The following HMCN1 variants were observed in gnomAD, a reference collection of about 807,000 sequenced individuals.
HMCN1 encodes hemicentin-1.
Under a neutral mutation model 625.9 loss-of-function variants are expected in HMCN1, and 321 were observed. The ratio of observed to expected loss-of-function variants is 0.51; its 90% CI spans 0.47 to 0.56. HMCN1 has a LOEUF of 0.56. Among genes scored for constraint, HMCN1 ranks in the 20% least tolerant of loss-of-function variants. The pLI is 0.00. For missense variants in HMCN1, 6,588 were observed against 6,887.3 expected, an observed-to-expected ratio of 0.96 and a Z score of 1.54; for synonymous variants, 2,425 against 2,417.6, an observed-to-expected ratio of 1.00 and a Z score of -0.09.
intron 50 of HMCN1, among the ~76,000 whole-genome samples, chr1:186,068,325 T>C (rs1658256108): frequency 6.6e-6 from 1 of 152,214 alleles, no homozygotes. Flanking sequence ...TAGAAATTCA[T>C]TCCTGATTAA....
At chr1:185,880,370 A>T (rs1027782220) in intron 4 of HMCN1, among the ~76,000 whole-genome samples, 14 of 152,192 alleles carry the variant, frequency 9.2e-5, no homozygotes, top group African/African-American at 3.1e-4. Context: ...TTTAATGTAG[A>T]TGTGAATCAT....
At chr1:185,996,902 G>A (rs1438613297) in intron 24 of HMCN1, among the ~76,000 whole-genome samples, 1 of 152,116 alleles carries the variant, frequency 6.6e-6, no homozygotes, top group African/African-American at 2.4e-5. Context: ...GTAATGATTT[G>A]AATTAGATAA....
At chr1:186,003,689 A>C (rs1437250409) in intron 28 of HMCN1, 29 bp from the exon 29 acceptor site, 3 of 1,610,988 alleles carry the variant, frequency 1.9e-6, no homozygotes, top group Non-Finnish European at 2.5e-6. Flanking sequence ...TGAGTAACAG[A>C]GTTTCATAAT....
chr1:185,902,401 CTATCTCTATCTA>C (rs1196610062), intron 4 of HMCN1, among the ~76,000 whole-genome samples: 67 of 136,204 alleles, frequency 4.9e-4, no homozygotes, highest in African/African-American at 2.1e-3. Context: ...ATCTATCTAT[CTATCTCTATCTA>C]TCTATCTATC....
intron 1 of HMCN1, among the ~76,000 whole-genome samples, chr1:185,759,452 A>G (rs1205304619): frequency 6.6e-6 from 1 of 152,190 alleles, no homozygotes; most frequent in Non-Finnish European, 1.5e-5. Context: ...AGATTTAGGG[A>G]GATTTAATAG....
At position 186,033,064 on chromosome 1, in the gene HMCN1, GCACACACACACA is replaced by G. The variant is rs61063202; in HGVS notation, c.5750-4850_5750-4839del. Among the ~76,000 whole-genome samples, 5 of 140,398 alleles carry G rather than the reference GCACACACACACA, an allele frequency of 3.6e-5. No individual in the cohort carries two copies. The South Asian group carries it at 9.3e-4, about 26-fold the overall frequency. 92.1% of individuals were successfully genotyped at this position (140,398 alleles called of 152,430 possible). ...TAAAGAAAATGTGATATACACACAC[GCACACACACACA>G]CACACACACACACACACACCATGGA... On this transcript the variant is annotated intron_variant, in intron 36 of 106. Transcript: ENST00000271588.
chr1:185,807,722 G>A (rs151039916), intron 1 of HMCN1, among the ~76,000 whole-genome samples: 2 of 152,146 alleles, frequency 1.3e-5, no homozygotes, highest in Non-Finnish European at 2.9e-5. Flanking sequence ...CTTCTTTCAT[G>A]TTTATGAATT....
rs141213545 is a variant in HMCN1 at position 186,144,343 on chromosome 1, A to G, written c.14095A>G (p.Ile4699Val). 265 of 1,613,206 alleles carry G rather than the reference A, an allele frequency of 1.6e-4. No individual in the cohort carries two copies. The highest frequency in any genetic ancestry group is 1.3e-3 in the Middle Eastern group (7 of 5,356). Reference sequence around the variant, plus strand: ...AGTTTGCAATGAAAGAAATTGTCCAAGTAAGAGAAATACACTGTTTATACC... The same window carrying G: ...AGTTTGCAATGAAAGAAATTGTCCAGGTAAGAGAAATACACTGTTTATACC... ...MQVCNERNCP[I>V]HGKWATWASW... Residue 4699 changes from isoleucine (I) to valine (V), a missense_variant and splice_region_variant, in exon 90 of 107, where the codon ATT becomes GTT. Transcript: ENST00000271588.
At chr1:185,764,834 A>T (rs1655764186) in intron 1 of HMCN1, among the ~76,000 whole-genome samples, 1 of 152,220 alleles carries the variant, frequency 6.6e-6, no homozygotes, top group South Asian at 2.1e-4. Context: ...ATGAGAACAG[A>T]TAGATCAACA....
At chr1:185,977,525 A>T (rs1329623625) in intron 15 of HMCN1, among the ~76,000 whole-genome samples, 2 of 152,156 alleles carry the variant, frequency 1.3e-5, no homozygotes, top group African/African-American at 2.4e-5. Context: ...ATTTAAGGTT[A>T]TTATAATTTG....
intron 2 of HMCN1, among the ~76,000 whole-genome samples, chr1:185,848,293 A>G (rs1259677456): frequency 6.6e-6 from 1 of 152,154 alleles, no homozygotes; most frequent in Non-Finnish European, 1.5e-5. Flanking sequence ...TGCAATGGAA[A>G]TGCTCCAGTC....
At position 185,833,740 on chromosome 1, in the gene HMCN1, T is replaced by A. The variant is rs190948856; in HGVS notation, c.269-12286T>A. Among the ~76,000 whole-genome samples, 896 of 152,272 alleles carry A rather than the reference T, an allele frequency of 5.9e-3. 10 individuals are homozygous for A. Among genetic ancestry groups the A allele is most frequent in the African/African-American group, 0.02 (822 of 41,586 alleles). The stretch of plus-strand genomic sequence containing the variant: ...TACTTTTTAGGATTAAGTACCATAA[T>A]TATAATATTTTAAGGATTTTATATT... On this transcript the variant is annotated intron_variant, in intron 1 of 106. Coordinates refer to ENST00000271588, the MANE Select transcript of HMCN1 (RefSeq NM_031935.3).
chr1:185,947,466 T>A (rs1488234981), intron 11 of HMCN1, among the ~76,000 whole-genome samples: 1 of 152,218 alleles, frequency 6.6e-6, no homozygotes, highest in African/African-American at 2.4e-5. Flanking sequence ...AGAAGAAGTT[T>A]TAGGAAACTT....
Position 186,088,729 on chromosome 1 carries a change from A to G in HMCN1, c.9701A>G (p.Gln3234Arg), listed in dbSNP as rs1237337192. The G allele has an allele frequency of 6.2e-7, 1 of 1,610,058 alleles. No individual in the cohort carries two copies. ...CIASNMEGKA[Q>R]KYYFLSIQVP... ...GCTTCAAATATGGAGGGAAAAGCCC[A>G]GAAATATTACTTTCTTTCAATTCAA... Residue 3234 changes from glutamine (Q) to arginine (R), a missense_variant, in exon 63 of 107, where the codon CAG becomes CGG. This residue lies in a region of HMCN1 where 4,628 missense variants were observed against 4,853.1 expected (regional missense o/e 0.95). Transcript: ENST00000271588.
chr1:186,047,960 A>G (rs1417091483), intron 41 of HMCN1, among the ~76,000 whole-genome samples: 1 of 152,138 alleles, frequency 6.6e-6, no homozygotes, highest in Non-Finnish European at 1.5e-5. Flanking sequence ...TTTAGAAATT[A>G]TTGATTGCAA....
intron 4 of HMCN1, among the ~76,000 whole-genome samples, chr1:185,888,543 C>A (rs1393679138): frequency 6.9e-6 from 1 of 144,118 alleles, no homozygotes; most frequent in Non-Finnish European, 1.5e-5. Flanking sequence ...CCAGTTTTCC[C>A]AGCACCATTT....
At chr1:185,882,487 C>G (rs976993876) in intron 4 of HMCN1, among the ~76,000 whole-genome samples, 1 of 151,262 alleles carries the variant, frequency 6.6e-6, no homozygotes, top group African/African-American at 2.4e-5. Flanking sequence ...TTTCTGTGTA[C>G]CATTTGATTT....
chr1:186,182,241 C>T lies in HMCN1; in HGVS notation c.16368C>T (p.Ile5456=), dbSNP rs1652978630. The T allele has an allele frequency of 6.2e-7, 1 of 1,613,378 alleles. No individual in the cohort carries two copies. The highest frequency in any genetic ancestry group is 1.1e-5 in the South Asian group (1 of 91,084). ...ATACCTTTGGAAGTTATCAGTGCAT[C>T]TGCCCACCTGGCTATCAACTCACAC... ...CKNTFGSYQC[I]CPPGYQLTHN... The change falls in exon 105 of 107, where the codon ATC becomes ATT. Residue 5456 remains isoleucine (I), a synonymous_variant. Coordinates refer to ENST00000271588, the MANE Select transcript of HMCN1 (RefSeq NM_031935.3).
At chr1:185,971,512 T>G (rs546562215) in intron 15 of HMCN1, among the ~76,000 whole-genome samples, 1 of 152,348 alleles carries the variant, frequency 6.6e-6, no homozygotes, top group Non-Finnish European at 1.5e-5. Context: ...CACTTAGAAC[T>G]TATAAAATAT....
Sources: gnomAD v4.1 joint callset for allele counts (sites outside exome capture counted in the v4.1 genomes callset) on GRCh38, gnomAD v4.1.1 for gene constraint, gnomAD v4.1.1 regional missense constraint, MANE v1.5 for transcripts, NCBI Gene and HGNC (gene_info 2026-07-23, HGNC 2026-07-21) for gene names.